TSN: variants seen among roughly 807,000 people sequenced by gnomAD.
TSN encodes the protein translin.
TSN carries 5 observed loss-of-function variants against 29.4 expected under a neutral mutation model. The observed-to-expected ratio is 0.17, with a 90% CI of 0.09 to 0.36. TSN has a LOEUF of 0.36. Among genes scored for constraint, TSN ranks in the 10% least tolerant of loss-of-function variants. TSN has a pLI of 1.00. For missense variants in TSN, 159 were observed against 272.8 expected (o/e 0.58, Z 2.94); for synonymous variants, 106 against 102.2 (o/e 1.04, Z -0.23).
At chr2:121,759,606 T>TAA (rs965640042) in intron 3 of TSN, among the ~76,000 whole-genome samples, 1 of 142,206 alleles carries the variant, frequency 7.0e-6, no homozygotes, top group Non-Finnish European at 1.5e-5. Flanking sequence ...AGACTCCATC[T>TAA]AAAAAAAAAA....
intron 1 of TSN, 36 bp from the exon 2 acceptor site, chr2:121,757,204 G>A (rs1187754632): frequency 6.3e-7 from 1 of 1,581,794 alleles, no homozygotes; most frequent in Non-Finnish European, 8.7e-7. Flanking sequence ...CAATGATTCT[G>A]TTGAGTATCT....
In TSN at chr2:121,765,379, T is replaced by C. The variant is rs776357604; in HGVS notation, c.*12T>C. ...GTGTTGAAAAATAGGAGGCTCTCCT[T>C]GCTCCTGGCCTTGCTGACCTCAGCG... On this transcript the variant is annotated 3_prime_UTR_variant, in exon 6 of 6. Transcript: ENST00000389682. 2.1e-5 allele frequency: 34 copies of C among 1,613,334 alleles called. No homozygotes were observed. Among genetic ancestry groups the C allele is most frequent in the Non-Finnish European group, 2.5e-5 (30 of 1,179,392 alleles).
chr2:121,756,619 TAG>T, intron 1 of TSN: 1 of 1,298,414 alleles, frequency 7.7e-7, no homozygotes, highest in Non-Finnish European at 1.0e-6. Context: ...AAAAATGAAT[TAG>T]AGGCGGGGAG....
chr2:121,756,632 C>T (rs993231191), intron 1 of TSN: 2 of 1,295,656 alleles, frequency 1.5e-6, no homozygotes, highest in South Asian at 1.2e-5. Flanking sequence ...AGGCGGGGAG[C>T]GGCGCCTCAT....
At chr2:121,758,961 G>T (rs1041156726) in intron 3 of TSN, among the ~76,000 whole-genome samples, 155 bp downstream of exon 3, 6 of 152,138 alleles carry the variant, frequency 3.9e-5, no homozygotes, top group African/African-American at 1.4e-4. Flanking sequence ...ACAAAAATTG[G>T]TGATTTTATT....
intron 3 of TSN, among the ~76,000 whole-genome samples, chr2:121,760,028 G>C (rs2074801810): frequency 6.6e-6 from 1 of 152,230 alleles, no homozygotes; most frequent in Non-Finnish European, 1.5e-5. Context: ...CCAACCCCCA[G>C]GCCATGGACT....
intron 2 of TSN, 78 bp downstream of exon 2, chr2:121,757,411 G>A (rs1179366345): frequency 6.3e-7 from 1 of 1,597,174 alleles, no homozygotes; most frequent in Non-Finnish European, 8.5e-7. Context: ...ATTTTATAAT[G>A]AAAAATGGCT....
At chr2:121,757,188 G>A in intron 1 of TSN, 52 bp from the exon 2 acceptor site, 6 of 1,526,026 alleles carry the variant, frequency 3.9e-6, no homozygotes, top group Non-Finnish European at 5.4e-6. Flanking sequence ...TTGTGTGAGT[G>A]TATGACAATG....
In TSN at chr2:121,765,327, G is replaced by T; in HGVS notation, c.647G>T (p.Gly216Val). Residue 216 changes from glycine (G) to valine (V), a missense_variant, in exon 6 of 6, where the codon GGC becomes GTC. By Grantham distance (109) the Gly-to-Val change is moderately radical (BLOSUM62 -3). Around this residue, in one of 3 missense-constraint regions of TSN, gnomAD observed 85 missense variants for 178.1 expected, o/e 0.48. Transcript: ENST00000389682. ...GTGGTCTATGATCTCTCCATCCGGG[G>T]CTTTAATAAGGAGACGGCAGCAGCT... Reference protein sequence around the residue: ...EEVVYDLSIRGFNKETAAACV... With the variant: ...EEVVYDLSIRVFNKETAAACV... 1 of 1,614,210 alleles carries T rather than the reference G, an allele frequency of 6.2e-7. No individual in the cohort carries two copies. The highest frequency in any genetic ancestry group is 8.5e-7 in the Non-Finnish European group (1 of 1,180,040).
intron 4 of TSN, among the ~76,000 whole-genome samples, chr2:121,762,619 T>A (rs551052797): frequency 6.6e-6 from 1 of 152,372 alleles, no homozygotes; most frequent in African/African-American, 2.4e-5. Context: ...ACATGCCACT[T>A]AGATTTACCA....
intron 1 of TSN, chr2:121,756,715 G>A (rs754922446): frequency 4.4e-4 from 394 of 885,720 alleles, no homozygotes; most frequent in Non-Finnish European, 5.9e-4. Flanking sequence ...GACCAGCCTG[G>A]CCAACATGGG....
rs2074890726 is a variant in TSN at position 121,765,545 on chromosome 2, C to G, written c.*178C>G. ...CTTTTTTGGGGGTAAAAAATATAGC[C>G]TTTACATGGACAGAATTTTTTTTGT... On this transcript the variant is annotated 3_prime_UTR_variant, in exon 6 of 6. Coordinates refer to ENST00000389682, the MANE Select transcript of TSN (RefSeq NM_004622.3). The G allele has an allele frequency of 1.5e-5, 9 of 619,962 alleles. No homozygotes were observed. In the Admixed American group the frequency reaches 2.7e-4, roughly 19 times the overall value. 38.4% of individuals were successfully genotyped at this position (619,962 alleles called of 1,614,324 possible).
Position 121,757,242 on chromosome 2 carries a change from A to G in TSN, c.69A>G (p.Glu23=), listed in dbSNP as rs1230346613. The G allele has an allele frequency of 6.2e-7, 1 of 1,613,634 alleles. No homozygotes were observed. Among genetic ancestry groups the G allele is most frequent in the Non-Finnish European group, 8.5e-7 (1 of 1,179,778 alleles). ...FLAAEQDIRE[E]IRKVVQSLEQ... is the part of the protein sequence containing the mutation. ...TTTTTATTTTTAATTCTCTCTAGGA[A>G]ATCAGAAAAGTTGTACAGAGTTTAG... Residue 23 remains glutamate, a splice_region_variant and synonymous_variant, in exon 2 of 6, where the codon GAA becomes GAG. Transcript: ENST00000389682.
At chr2:121,760,400 CAGAG>C (rs1375469129) in intron 3 of TSN, among the ~76,000 whole-genome samples, 1 of 152,162 alleles carries the variant, frequency 6.6e-6, no homozygotes, top group Admixed American at 6.5e-5. Context: ...AGCTGAAGCA[CAGAG>C]AGAGGTAGGA....
At position 121,766,928 on chromosome 2, in the gene TSN, T is replaced by C. The variant is rs574309032; in HGVS notation, c.*1561T>C. The C allele has an allele frequency of 1.3e-5, 2 of 152,316 alleles. No individual in the cohort carries two copies. Among genetic ancestry groups the C allele is most frequent in the Admixed American group, 1.3e-4 (2 of 15,298 alleles). 9.4% of individuals were successfully genotyped at this position (152,316 alleles called of 1,614,324 possible). ...TGTGCATTGGGATTTTAGAACAATTTTCTTGTGACAGCTCTTTTTGTGAAG... is the reference window on the plus strand; with the variant it reads ...TGTGCATTGGGATTTTAGAACAATTCTCTTGTGACAGCTCTTTTTGTGAAG... On this transcript the variant is annotated 3_prime_UTR_variant, in exon 6 of 6. Transcript: ENST00000389682.
rs182633894 is a variant in TSN at position 121,759,495 on chromosome 2, C to A, written c.257+689C>A. Reference sequence around the variant, plus strand: ...TGGTGGCTTATCCCTGTAACCCCAGCCACTTCAGAGGCTGAGGCAGGAGAA... The same window carrying A: ...TGGTGGCTTATCCCTGTAACCCCAGACACTTCAGAGGCTGAGGCAGGAGAA... On this transcript the variant is annotated intron_variant, in intron 3 of 5. Transcript: ENST00000389682. 5.9e-5 allele frequency among the ~76,000 whole-genome samples: 9 copies of A among 152,240 alleles called. No individual in the cohort carries two copies. The East Asian group carries it at 1.7e-3, about 29-fold the overall frequency.
chr2:121,763,825 A>G (rs559790628), intron 5 of TSN, among the ~76,000 whole-genome samples: 16 of 152,220 alleles, frequency 1.1e-4, no homozygotes, highest in Admixed American at 2.0e-4. Context: ...AGTAGTTGTG[A>G]TAGAGACTGT....
In TSN at chr2:121,757,322, G is replaced by C; in HGVS notation, c.149G>C (p.Gly50Ala). The part of the protein sequence containing the change: ...TLLQGVHQGA[G>A]FQDIPKRCLK... ...CTGCAAGGGGTCCATCAGGGTGCTG[G>C]GTTTCAGGACAGTAAGTTCTTTGTT... Residue 50 changes from glycine to alanine, a missense_variant, in exon 2 of 6, where the codon GGG becomes GCG. Physicochemically the swap from Gly to Ala is moderately conservative, Grantham distance 60 (BLOSUM62 0). Around this residue, in one of 3 missense-constraint regions of TSN, gnomAD observed 43 missense variants for 68.6 expected, o/e 0.63. Transcript: ENST00000389682. 6.2e-7 allele frequency: 1 copy of C among 1,614,026 alleles called. No homozygotes were observed. Among genetic ancestry groups the C allele is most frequent in the Non-Finnish European group, 8.5e-7 (1 of 1,179,996 alleles).
At position 121,766,954 on chromosome 2, in the gene TSN, T is replaced by G. The variant is rs552778980; in HGVS notation, c.*1587T>G. 28 of 152,162 alleles carry G rather than the reference T, an allele frequency of 1.8e-4. No homozygotes were observed. The highest frequency in any genetic ancestry group is 2.9e-4 in the Non-Finnish European group (20 of 68,026). 9.4% of individuals were successfully genotyped at this position (152,162 alleles called of 1,614,324 possible). On this transcript the variant is annotated 3_prime_UTR_variant, in exon 6 of 6. Coordinates refer to ENST00000389682, the MANE Select transcript of TSN (RefSeq NM_004622.3). ...TCTTGTGACAGCTCTTTTTGTGAAGTTAGGTTCTTAAAAGTGCCCATGATG... is the reference window on the plus strand; with the variant it reads ...TCTTGTGACAGCTCTTTTTGTGAAGGTAGGTTCTTAAAAGTGCCCATGATG...
Sources: allele counts gnomAD v4.1 joint callset (sites outside exome capture counted in the v4.1 genomes callset), GRCh38; gene constraint gnomAD v4.1.1; regional missense constraint gnomAD v4.1.1; transcripts MANE v1.5; gene names NCBI Gene and HGNC (gene_info 2026-07-23, HGNC 2026-07-21).